Variants in PALS1 observed in about 807,000 individuals in gnomAD.
PALS1 encodes protein associated with LIN7 1, MAGUK p55 family member, also known as protein PALS1.
A neutral mutation model predicts 78.9 loss-of-function variants in PALS1; 31 were observed. That is an observed-to-expected ratio of 0.39 (90% CI 0.30 to 0.53). The LOEUF is 0.53. Among genes scored for constraint, PALS1 ranks in the 20% least tolerant of loss-of-function variants. PALS1 has a pLI of 0.67. For synonymous variants in PALS1, 276 were observed against 270.9 expected (o/e 1.02, Z -0.18); for missense variants, 704 against 826.5 (o/e 0.85, Z 1.82).
intron 3 of PALS1, among the ~76,000 whole-genome samples, chr14:67,288,227 G>A (rs2084720805): frequency 6.6e-6 from 1 of 152,050 alleles, no homozygotes; most frequent in Non-Finnish European, 1.5e-5. Flanking sequence ...CTTTAGACAT[G>A]TGCCACCACA....
chr14:67,285,156 A>C (rs1948794969), intron 3 of PALS1, among the ~76,000 whole-genome samples: 1 of 152,204 alleles, frequency 6.6e-6, no homozygotes, highest in South Asian at 2.1e-4. Context: ...GAGGAAAAGA[A>C]ATCTTAAAAG....
At chr14:67,271,277 A>G (rs1299634915) in intron 2 of PALS1, 2 of 152,196 alleles carry the variant, frequency 1.3e-5, no homozygotes, top group Admixed American at 6.5e-5. Context: ...TGATTCTCCT[A>G]TATTCTCCAT....
At chr14:67,321,478 T>C (rs546901430) in intron 13 of PALS1, among the ~76,000 whole-genome samples, 1 of 152,314 alleles carries the variant, frequency 6.6e-6, no homozygotes, top group African/African-American at 2.4e-5. Context: ...AGGTTGACTA[T>C]CTCTTATTCA....
At chr14:67,331,481 A>T (rs2085448543) in intron 14 of PALS1, among the ~76,000 whole-genome samples, 1 of 152,142 alleles carries the variant, frequency 6.6e-6, no homozygotes, top group Non-Finnish European at 1.5e-5. Flanking sequence ...ATCTAGTTGC[A>T]TTCTGAATCT....
chr14:67,272,784 G>A (rs1022748802), intron 2 of PALS1, among the ~76,000 whole-genome samples: 4 of 152,028 alleles, frequency 2.6e-5, no homozygotes, highest in African/African-American at 9.7e-5. Flanking sequence ...TCAGCTTCCC[G>A]AGTAGCTGGG....
intron 10 of PALS1, among the ~76,000 whole-genome samples, 174 bp downstream of exon 10, chr14:67,317,077 A>G (rs2085187494): frequency 6.6e-6 from 1 of 152,254 alleles, no homozygotes; most frequent in African/African-American, 2.4e-5. Flanking sequence ...ATTAAAGATT[A>G]TCTGTCTATA....
chr14:67,317,674 A>G (rs539362478), intron 11 of PALS1, among the ~76,000 whole-genome samples, 195 bp downstream of exon 11: 1 of 152,332 alleles, frequency 6.6e-6, no homozygotes, highest in Admixed American at 6.5e-5. Flanking sequence ...ACTATTTAGC[A>G]TATGTAGTAT....
chr14:67,279,030 G>C lies in PALS1; in HGVS notation c.-141G>C. On this transcript the variant is annotated 5_prime_UTR_variant, in exon 3 of 15. Transcript: ENST00000261681. ...TCTTTCCCCTTAGATTTCCTTCATG[G>C]ATACTTTTTCATAGCATTATTATGT... 1.3e-6 allele frequency: 1 copy of C among 746,300 alleles called. No homozygotes were observed. The highest frequency in any genetic ancestry group is 2.0e-6 in the Non-Finnish European group (1 of 511,994). 46.2% of individuals were successfully genotyped at this position (746,300 alleles called of 1,614,324 possible).
intron 1 of PALS1, among the ~76,000 whole-genome samples, chr14:67,258,910 C>G (rs1173392212): frequency 6.6e-6 from 1 of 152,076 alleles, no homozygotes; most frequent in East Asian, 1.9e-4. Flanking sequence ...GGTGTGATCT[C>G]TGCTCACTGC....
At position 67,312,652 on chromosome 14, in the gene PALS1, G is replaced by C; in HGVS notation, c.1167G>C (p.Trp389Cys). Residue 389 changes from tryptophan (W) to cysteine (C), a missense_variant, in exon 9 of 15, where the codon TGG becomes TGC. Coordinates refer to ENST00000261681, the MANE Select transcript of PALS1 (RefSeq NM_022474.4). ...TGATCAGTCAAGAAGATCCAAACTG[G>C]TGGCAGGCCTACAGGGAAGGGGACG... ...LHVISQEDPN[W>C]WQAYREGDED... 2 of 1,613,256 alleles carry C rather than the reference G, an allele frequency of 1.2e-6. No individual in the cohort carries two copies. The highest frequency in any genetic ancestry group is 1.1e-5 in the South Asian group (1 of 90,934).
At chr14:67,299,297 A>G (rs924223172) in intron 4 of PALS1, among the ~76,000 whole-genome samples, 4 of 152,198 alleles carry the variant, frequency 2.6e-5, no homozygotes, top group Non-Finnish European at 4.4e-5. Context: ...TGTCAGATAC[A>G]TATATCAAGG....
intron 8 of PALS1, among the ~76,000 whole-genome samples, chr14:67,306,513 TTGTGTGTGTG>T (rs35688419): frequency 1.4e-5 from 2 of 147,430 alleles, no homozygotes; most frequent in Admixed American, 6.8e-5. Flanking sequence ...CTGGCTGAAT[TTGTGTGTGTG>T]TGTGTGTGTG....
At chr14:67,321,287 T>G in intron 13 of PALS1, 28 bp downstream of exon 13, 8 of 1,609,146 alleles carry the variant, frequency 5.0e-6, no homozygotes, top group Non-Finnish European at 6.8e-6. Flanking sequence ...TTTTAGGGTT[T>G]GAACTTAGAA....
chr14:67,279,597 A>G (rs1030744981), intron 3 of PALS1, 60 bp downstream of exon 3: 1 of 1,436,278 alleles, frequency 7.0e-7, no homozygotes, highest in African/African-American at 1.4e-5. Context: ...GTGCCTTATA[A>G]TGTATATGAG....
intron 1 of PALS1, among the ~76,000 whole-genome samples, chr14:67,258,490 A>G (rs957604307): frequency 6.6e-6 from 1 of 152,008 alleles, no homozygotes; most frequent in African/African-American, 2.4e-5. Flanking sequence ...GTGTGATCAC[A>G]GCTTACTGCA....
chr14:67,295,222 C>T (rs1409435153), intron 4 of PALS1, among the ~76,000 whole-genome samples: 10 of 151,514 alleles, frequency 6.6e-5, no homozygotes, highest in African/African-American at 2.2e-4. Context: ...GGGAGGCTCA[C>T]GCCTGTAATC....
At chr14:67,249,543 G>C (rs2084035835) in intron 1 of PALS1, among the ~76,000 whole-genome samples, 1 of 152,168 alleles carries the variant, frequency 6.6e-6, no homozygotes, top group African/African-American at 2.4e-5. Flanking sequence ...CAAACCAACA[G>C]ATGTGAAATA....
rs184946668 is a variant in PALS1, at chr14:67,268,422, G to C, written c.-236-1279G>C. 1.4e-3 allele frequency among the ~76,000 whole-genome samples: 207 copies of C among 152,290 alleles called. 2 individuals carry two copies. The highest frequency in any genetic ancestry group is 1.3e-3 in the Non-Finnish European group (87 of 68,012). ...TTGGGGCAAGTCCATAGAGTAAAAT[G>C]AAAGCAAGTTTATGACAGTAAAGGA... On this transcript the variant is annotated intron_variant, in intron 1 of 14. Coordinates refer to ENST00000261681, the MANE Select transcript of PALS1 (RefSeq NM_022474.4).
At position 67,274,215 on chromosome 14, in the gene PALS1, G is replaced by T. The variant is rs568559662; in HGVS notation, c.-154+4432G>T. On this transcript the variant is annotated intron_variant, in intron 2 of 14. Coordinates refer to ENST00000261681, the MANE Select transcript of PALS1 (RefSeq NM_022474.4). ...CCTTGCCCATGCCTATGTCCTGAAT[G>T]GTATTGCCTAGGTTTTCTTCTAGGG... Among the ~76,000 whole-genome samples the T allele has an allele frequency of 3.9e-5, 6 of 152,242 alleles. No individual in the cohort carries two copies. The South Asian group carries it at 1.2e-3, about 32-fold the overall frequency.
Sources: gnomAD v4.1 joint callset for allele counts (sites outside exome capture counted in the v4.1 genomes callset) on GRCh38, gnomAD v4.1.1 for gene constraint, MANE v1.5 for transcripts, NCBI Gene and HGNC (gene_info 2026-07-23, HGNC 2026-07-21) for gene names.